The following PHRF1 variants were observed in gnomAD, a reference collection of about 807,000 sequenced individuals.
PHRF1 encodes the protein PHD and ring finger domains 1.
A neutral mutation model predicts 128.9 loss-of-function variants in PHRF1; 53 were observed. The observed-to-expected ratio is 0.41, with a 90% CI of 0.33 to 0.52. The LOEUF (loss-of-function observed/expected upper bound fraction) is 0.52. Among genes scored for constraint, PHRF1 ranks in the 20% least tolerant of loss-of-function variants. The probability of loss-of-function intolerance (pLI) is 0.21; values close to 1 mark genes in which losing one functional copy is unlikely to be tolerated. For synonymous variants in PHRF1, 1,178 were observed against 980.6 expected (o/e 1.20, Z -3.76); for missense variants, 2,503 against 2,284.5 (o/e 1.10, Z -1.95).
At chr11:610,920 C>G (rs774217328) in intron 16 of PHRF1, 34 bp from the exon 17 acceptor site, 1 of 1,607,710 alleles carries the variant, frequency 6.2e-7, no homozygotes, top group African/African-American at 1.3e-5. Context: ...TCCCGGCTCC[C>G]TTCCTGGCCG....
chr11:582,303 T>C (rs1462653352), intron 3 of PHRF1, among the ~76,000 whole-genome samples: 3 of 150,934 alleles, frequency 2.0e-5, no homozygotes, highest in Non-Finnish European at 4.4e-5. Context: ...GTCGCTCTGT[T>C]GCCCAGGCTG....
chr11:601,590 G>T lies in PHRF1; in HGVS notation c.1041G>T (p.Val347=), dbSNP rs1344074913. ...RKRKTRRRKK[V]PGRKKTPSGP... ...TTTCCTTAGGAAGACGGAAGAAAGT[G>T]CCGGGAAGAAAGAAAACCCCGTCCG... Residue 347 remains valine, a synonymous_variant, in exon 10 of 18, where the codon GTG becomes GTT. Coordinates refer to ENST00000264555, the MANE Select transcript of PHRF1 (RefSeq NM_001286581.2). The T allele has an allele frequency of 6.2e-7, 1 of 1,613,664 alleles. No individual in the cohort carries two copies. Among genetic ancestry groups the T allele is most frequent in the Non-Finnish European group, 8.5e-7 (1 of 1,179,896 alleles).
chr11:598,830 C>T (rs1054269679), intron 9 of PHRF1, among the ~76,000 whole-genome samples: 14 of 152,188 alleles, frequency 9.2e-5, no homozygotes, highest in Non-Finnish European at 1.8e-4. Context: ...CAGAATACGC[C>T]CTGAAGCCAT....
Position 607,229 on chromosome 11 carries a change from C to G in PHRF1, c.1773C>G (p.Thr591=), listed in dbSNP as rs763021837. The stretch of plus-strand genomic sequence containing the variant: ...TCAGCTGTCAAGGCAGGTCCCGCAC[C>G]CCCGCCCGCACCGCGGGGGCGCCTG... ...TGLSCQGRSR[T]PARTAGAPVR... The change falls in exon 14 of 18, where the codon ACC becomes ACG. Residue 591 remains threonine, a synonymous_variant. Coordinates refer to ENST00000264555, the MANE Select transcript of PHRF1 (RefSeq NM_001286581.2). 1.9e-6 allele frequency: 3 copies of G among 1,612,366 alleles called. No individual in the cohort carries two copies. Among genetic ancestry groups the G allele is most frequent in the South Asian group, 2.2e-5 (2 of 91,060 alleles).
rs760347048 is a variant in PHRF1 at position 607,221 on chromosome 11, TCCCGCACCCCCG to T, written c.1774_1785del (p.Pro592_Thr595del). 6.2e-7 allele frequency: 1 copy of T among 1,612,190 alleles called. No individual in the cohort carries two copies. Among genetic ancestry groups the T allele is most frequent in the Non-Finnish European group, 8.5e-7 (1 of 1,179,690 alleles). Reference sequence around the variant, plus strand: ...CACAGGGCTCAGCTGTCAAGGCAGGTCCCGCACCCCCGCCCGCACCGCGGGGGCGCCTGTGAG... The same window carrying T: ...CACAGGGCTCAGCTGTCAAGGCAGGTCCCGCACCGCGGGGGCGCCTGTGAG... On this transcript the variant is annotated inframe_deletion, in exon 14 of 18. Coordinates refer to ENST00000264555, the MANE Select transcript of PHRF1 (RefSeq NM_001286581.2).
At position 608,078 on chromosome 11, in the gene PHRF1, G is replaced by T. The variant is rs771954835; in HGVS notation, c.2622G>T (p.Gln874His). ...SINSPKAQTVQAVRCVTSYTV... is the reference protein window; with the variant it reads ...SINSPKAQTVHAVRCVTSYTV... ...ACAGCCCGAAGGCCCAGACGGTGCA[G>T]GCTGTGCGCTGCGTCACCTCCTACA... The change falls in exon 14 of 18, where the codon CAG becomes CAT. Residue 874 changes from glutamine to histidine, a missense_variant. Transcript: ENST00000264555. 2 of 1,611,678 alleles carry T rather than the reference G, an allele frequency of 1.2e-6. No individual in the cohort carries two copies. Among genetic ancestry groups the T allele is most frequent in the South Asian group, 2.2e-5 (2 of 91,086 alleles).
At chr11:609,776 GC>G in intron 14 of PHRF1, 56 bp downstream of exon 14, 1 of 1,273,646 alleles carries the variant, frequency 7.9e-7, no homozygotes, top group Non-Finnish European at 1.0e-6. Context: ...TAAGGCCCTG[GC>G]CCCCGCCGAG....
rs745629883 is a variant in PHRF1 at position 597,381 on chromosome 11, G to A, written c.719-14G>A. ...CTGTGAGTGTGGCACATCAGCCCTG[G>A]TGGTTCTTCCCAGATGCGGGTCCCG... On this transcript the variant is annotated splice_polypyrimidine_tract_variant and intron_variant, in intron 7 of 17. Transcript: ENST00000264555. The surrounding 1 kb of genome is among the most constrained non-coding windows in gnomAD (Gnocchi z 6.5). 2.5e-6 allele frequency: 4 copies of A among 1,608,406 alleles called. No homozygotes were observed. Among genetic ancestry groups the A allele is most frequent in the Middle Eastern group, 1.7e-4 (1 of 6,040 alleles).
At position 581,995 on chromosome 11, in the gene PHRF1, G is replaced by C; in HGVS notation, c.128G>C (p.Gly43Ala). The C allele has an allele frequency of 6.2e-7, 1 of 1,607,288 alleles. No homozygotes were observed. Among genetic ancestry groups the C allele is most frequent in the South Asian group, 1.1e-5 (1 of 89,378 alleles). ...AGCGTGGGCAGCAGTGGGGACTCTGGGGACGACAGTGACAGCGAGCATGGA... is the reference window on the plus strand; with the variant it reads ...AGCGTGGGCAGCAGTGGGGACTCTGCGGACGACAGTGACAGCGAGCATGGA... ...ESSVGSSGDS[G>A]DDSDSEHGDG... The change falls in exon 3 of 18, where the codon GGG becomes GCG. Residue 43 changes from glycine to alanine, a missense_variant. Gly to Ala is a moderately conservative substitution (Grantham distance 60, BLOSUM62 0). Coordinates refer to ENST00000264555, the MANE Select transcript of PHRF1 (RefSeq NM_001286581.2).
chr11:577,454 C>T (rs11246197), intron 1 of PHRF1, among the ~76,000 whole-genome samples: 9,491 of 152,272 alleles, frequency 0.062, 408 homozygotes, highest in African/African-American at 0.12. Flanking sequence ...TCGGGTTTGG[C>T]ATAGTTGATC....
At chr11:583,858 CCCTGCTGTGGT>C (rs1160759516) in intron 3 of PHRF1, among the ~76,000 whole-genome samples, 2 of 152,224 alleles carry the variant, frequency 1.3e-5, no homozygotes, top group African/African-American at 2.4e-5. Context: ...CCTGCCCCGG[CCCTGCTGTGGT>C]TGCTTCCTCA....
At chr11:601,843 G>A (rs1342121909) in intron 10 of PHRF1, 142 bp downstream of exon 10, 2 of 1,113,984 alleles carry the variant, frequency 1.8e-6, no homozygotes, top group African/African-American at 1.6e-5. Flanking sequence ...TTGCTTTTCT[G>A]TATTTACTCA....
chr11:610,573 C>T lies in PHRF1; in HGVS notation c.4489C>T (p.Pro1497Ser). The stretch of plus-strand genomic sequence containing the variant: ...CCCACCCTGCGCACTGGTCAGCCAG[C>T]CCACGGTCCAGTTCATCCTTCAGGG... ...SIPPCALVSQPTVQFILQGSL... is the reference protein window; with the variant it reads ...SIPPCALVSQSTVQFILQGSL... The change falls in exon 16 of 18, where the codon CCC (proline) becomes TCC (serine). Residue 1497 changes from proline to serine, a missense_variant. Pro to Ser is a moderately conservative substitution (Grantham distance 74, BLOSUM62 -1). Transcript: ENST00000264555. 6.2e-7 allele frequency: 1 copy of T among 1,606,364 alleles called. No individual in the cohort carries two copies. The highest frequency in any genetic ancestry group is 8.5e-7 in the Non-Finnish European group (1 of 1,179,764).
At chr11:595,175 T>C (rs1027907503) in intron 6 of PHRF1, among the ~76,000 whole-genome samples, 1 of 152,072 alleles carries the variant, frequency 6.6e-6, no homozygotes, top group Non-Finnish European at 1.5e-5. Context: ...ATAAAAAAAT[T>C]GGCCGGGCGT....
intron 6 of PHRF1, among the ~76,000 whole-genome samples, chr11:593,740 G>A (rs1290402698): frequency 2.0e-5 from 3 of 152,326 alleles, no homozygotes; most frequent in East Asian, 3.9e-4. Context: ...CTTGCAGTGC[G>A]CTCCGCCGGC....
chr11:611,141 G>C (rs746189820), intron 17 of PHRF1, 59 bp downstream of exon 17: 1 of 1,599,676 alleles, frequency 6.3e-7, no homozygotes, highest in South Asian at 1.1e-5. Flanking sequence ...CGTCGCTGCT[G>C]TCTCGTCAGC....
In PHRF1 at chr11:607,827, C is replaced by A. The variant is rs113906292; in HGVS notation, c.2371C>A (p.Leu791Ile). ...IPGNMAHSSQ[L>I]SSPGFCNTFR... ...TGGAAACATGGCACATTCCAGCCAG[C>A]TCTCCAGCCCTGGCTTCTGTAACAC... The change falls in exon 14 of 18, where the codon CTC (leucine) becomes ATC (isoleucine). Residue 791 changes from leucine to isoleucine, a missense_variant. Transcript: ENST00000264555. The A allele has an allele frequency of 3.1e-6, 5 of 1,612,826 alleles. No homozygotes were observed. The African/African-American group carries it at 4.0e-5, about 13-fold the overall frequency.
chr11:603,312 C>A (rs1855748628), intron 10 of PHRF1, among the ~76,000 whole-genome samples: 2 of 152,148 alleles, frequency 1.3e-5, no homozygotes, highest in Admixed American at 1.3e-4. Context: ...ATCTAAGCCT[C>A]ACAAAGTGTT....
At chr11:601,182 C>A (rs1355327565) in intron 9 of PHRF1, among the ~76,000 whole-genome samples, 5 of 151,914 alleles carry the variant, frequency 3.3e-5, no homozygotes, top group African/African-American at 9.7e-5. Flanking sequence ...TGGTGGCTCA[C>A]ACCTGTAATC....
Sources: gnomAD v4.1 joint callset for allele counts (sites outside exome capture counted in the v4.1 genomes callset) on GRCh38, gnomAD v4.1.1 for gene constraint, Gnocchi (gnomAD v3.1) non-coding constraint, MANE v1.5 for transcripts, NCBI Gene and HGNC (gene_info 2026-07-23, HGNC 2026-07-21) for gene names.